The following RBFOX1 variants were observed in gnomAD, a reference collection of about 807,000 sequenced individuals.
RBFOX1 encodes the protein RNA binding protein fox-1 homolog 1.
RBFOX1 carries 8 observed loss-of-function variants against 57.7 expected under a neutral mutation model. The observed-to-expected ratio is 0.14, with a 90% CI of 0.08 to 0.25. The LOEUF (loss-of-function observed/expected upper bound fraction) is 0.25. Ranked by LOEUF, RBFOX1 falls within the 10% of genes least tolerant of loss-of-function variation. RBFOX1 has a pLI of 1.00. For missense variants in RBFOX1, 611 were observed against 548.5 expected (o/e 1.11, Z -1.14); for synonymous variants, 326 against 222.4 (o/e 1.47, Z -4.15).
At chr16:6,965,226 A>G (rs1029116676) in intron 3 of RBFOX1, among the ~76,000 whole-genome samples, 6 of 152,010 alleles carry the variant, frequency 3.9e-5, no homozygotes, top group African/African-American at 1.2e-4. Flanking sequence ...AAAGGAAAGC[A>G]TTGCTTTGCA....
chr16:6,831,706 C>A (rs960550195), intron 3 of RBFOX1, among the ~76,000 whole-genome samples: 1 of 152,050 alleles, frequency 6.6e-6, no homozygotes, highest in Non-Finnish European at 1.5e-5. Flanking sequence ...AACTCTTTGC[C>A]CCTTCCTCCA....
intron 4 of RBFOX1, among the ~76,000 whole-genome samples, chr16:7,311,041 C>A (rs1361493728): frequency 6.6e-6 from 1 of 152,210 alleles, no homozygotes; most frequent in East Asian, 1.9e-4. Flanking sequence ...ACCCAATTTG[C>A]AAGGGGCAAG....
rs376432472 is a variant in RBFOX1 at position 6,078,410 on chromosome 16, A to AT, written c.-127+58429dup. On this transcript the variant is annotated intron_variant, in intron 1 of 15. Transcript: ENST00000550418. ...CAACCTTATGAGACGTTTTTGGGGG[A>AT]TTTTTTTTTTTAGCTCATCAGCTGT... Among the ~76,000 whole-genome samples the AT allele has an allele frequency of 4.4e-4, 64 of 144,102 alleles. 1 individual carries two copies. The highest frequency in any genetic ancestry group is 8.0e-4 in the East Asian group (4 of 5,006). 94.5% of individuals were successfully genotyped at this position (144,102 alleles called of 152,430 possible).
At chr16:5,826,134 T>G (rs554533358) in intron 3 of RBFOX1, among the ~76,000 whole-genome samples, 1 of 148,376 alleles carries the variant, frequency 6.7e-6, no homozygotes, top group Non-Finnish European at 1.5e-5. Flanking sequence ...AGGAATATTA[T>G]TCCTTATATA....
rs79086824 is a variant in RBFOX1 at position 5,871,276 on chromosome 16, G to A, written c.351+3941G>A. ...TTATCTGAAATTCCCTCTGCTAGCC[G>A]CAAAGCACCTGGCCCTTTGTCCCCA... On this transcript the variant is annotated intron_variant, in intron 4 of 19. Transcript: ENST00000641259. 7.0e-3 allele frequency among the ~76,000 whole-genome samples: 1,063 copies of A among 152,272 alleles called. 18 individuals are homozygous for A. The highest frequency in any genetic ancestry group is 0.024 in the African/African-American group (979 of 41,544).
At chr16:6,319,113 G>C (rs74910691) in intron 2 of RBFOX1, among the ~76,000 whole-genome samples, 2,352 of 152,190 alleles carry the variant, frequency 0.015, 55 homozygotes, top group African/African-American at 0.054. Context: ...TGCTGGTTGA[G>C]AAATTGCTCC....
intron 2 of RBFOX1, among the ~76,000 whole-genome samples, chr16:6,407,557 G>GTC (rs2093327301): frequency 1.2e-5 from 1 of 82,262 alleles, no homozygotes; most frequent in Non-Finnish European, 2.3e-5. Flanking sequence ...GTGTGTGTGT[G>GTC]TGTGTGTGTG....
At chr16:5,828,507 G>A (rs1380906862) in intron 3 of RBFOX1, among the ~76,000 whole-genome samples, 1 of 152,106 alleles carries the variant, frequency 6.6e-6, no homozygotes, top group African/African-American at 2.4e-5. Flanking sequence ...AGACCATCCT[G>A]ACCAACATGG....
At chr16:6,435,375 A>G (rs1174188982) in intron 2 of RBFOX1, among the ~76,000 whole-genome samples, 1 of 150,420 alleles carries the variant, frequency 6.6e-6, no homozygotes, top group Admixed American at 6.6e-5. Context: ...ATCTCGGCTC[A>G]CTGCAGCCTC....
intron 9 of RBFOX1, among the ~76,000 whole-genome samples, chr16:7,601,219 G>C (rs185219313): frequency 1.7e-3 from 266 of 152,270 alleles, no homozygotes; most frequent in African/African-American, 6.3e-3. Context: ...ACTGGCTCTT[G>C]AATTGTAGGA....
At chr16:7,112,917 G>A (rs2065105605) in intron 4 of RBFOX1, among the ~76,000 whole-genome samples, 1 of 152,084 alleles carries the variant, frequency 6.6e-6, no homozygotes, top group Non-Finnish European at 1.5e-5. Context: ...GATGTTTTCT[G>A]GAAAGAATGA....
chr16:6,940,879 G>GTTTGTGTGTGTT (rs557358282), intron 3 of RBFOX1, among the ~76,000 whole-genome samples: 1 of 138,564 alleles, frequency 7.2e-6, no homozygotes, highest in African/African-American at 2.8e-5. Context: ...GTGTGTGTGT[G>GTTTGTGTGTGTT]TGTGTGTGTG....
intron 4 of RBFOX1, among the ~76,000 whole-genome samples, chr16:5,986,061 T>A (rs1351732158): frequency 5.2e-5 from 1 of 19,390 alleles, no homozygotes; most frequent in Non-Finnish European, 9.5e-5. Context: ...TTTCTTTACT[T>A]TTTTTTTTTT....
chr16:5,321,117 T>A (rs141895794), intron 1 of RBFOX1, among the ~76,000 whole-genome samples: 69 of 152,292 alleles, frequency 4.5e-4, no homozygotes, highest in African/African-American at 1.7e-3. Flanking sequence ...GGACCCAGTT[T>A]CCCAAGCTCA....
intron 11 of RBFOX1, among the ~76,000 whole-genome samples, chr16:7,636,482 G>C (rs1355098751): frequency 6.6e-6 from 1 of 152,180 alleles, no homozygotes; most frequent in South Asian, 2.1e-4. Flanking sequence ...GAATGGTTCA[G>C]ATGTTACACG....
chr16:6,945,299 C>T (rs2079279246), intron 3 of RBFOX1, among the ~76,000 whole-genome samples: 1 of 152,072 alleles, frequency 6.6e-6, no homozygotes. Context: ...AGAATGTGTA[C>T]ACTAGGGGTC....
At chr16:5,494,205 A>T (rs1461428318) in intron 2 of RBFOX1, among the ~76,000 whole-genome samples, 1 of 152,180 alleles carries the variant, frequency 6.6e-6, no homozygotes, top group Non-Finnish European at 1.5e-5. Flanking sequence ...AGACAGTTCT[A>T]TGATGTCTCC....
intron 4 of RBFOX1, among the ~76,000 whole-genome samples, chr16:5,929,330 C>G (rs551257711): frequency 6.6e-5 from 10 of 152,248 alleles, no homozygotes; most frequent in Non-Finnish European, 1.5e-4. Context: ...CTCTCTCTCT[C>G]TCTCTCTTTC....
intron 9 of RBFOX1, among the ~76,000 whole-genome samples, chr16:7,603,612 G>A (rs940988585): frequency 2.3e-4 from 35 of 152,112 alleles, no homozygotes; most frequent in Non-Finnish European, 2.9e-5. Context: ...TGAAAAGCTA[G>A]AGAGTTCTCC....
Sources: gnomAD v4.1 joint callset for allele counts (sites outside exome capture counted in the v4.1 genomes callset) on GRCh38, gnomAD v4.1.1 for gene constraint, MANE v1.5 for transcripts, NCBI Gene and HGNC (gene_info 2026-07-23, HGNC 2026-07-21) for gene names.